The following BAHCC1 variants were observed in gnomAD, a reference collection of about 807,000 sequenced individuals.
The protein encoded by BAHCC1 is BAH domain and coiled-coil containing 1, also known as BAH and coiled-coil domain-containing protein 1.
Under a neutral mutation model 88.2 loss-of-function variants are expected in BAHCC1, and 43 were observed. The ratio of observed to expected loss-of-function variants is 0.49; its 90% CI spans 0.38 to 0.63. The LOEUF (loss-of-function observed/expected upper bound fraction) is 0.63, where lower values mean the gene tolerates loss of function less well. BAHCC1 is among the 20% of genes least tolerant of loss of function. The probability of loss-of-function intolerance (pLI) is 0.00; values close to 1 mark genes in which losing one functional copy is unlikely to be tolerated. For missense variants in BAHCC1, 3,023 were observed against 1,654.8 expected (o/e 1.83, Z -14.34); for synonymous variants, 1,510 against 745.5 (o/e 2.03, Z -16.71).
chr17:81,463,180 G>T (rs1052186826), intron 27 of BAHCC1, among the ~76,000 whole-genome samples: 4 of 152,156 alleles, frequency 2.6e-5, no homozygotes, highest in African/African-American at 9.7e-5. Flanking sequence ...CACAGTGGGG[G>T]GCTGTGGCCC....
In BAHCC1 at chr17:81,442,649, G is replaced by A. The variant is rs376763313; in HGVS notation, c.1300G>A (p.Ala434Thr). ...GGAGGGAACCATGGCCCCCGACCAC[G>A]CTGCACCCTATGGAGTCTCCTATGC... is the stretch of plus-strand genomic sequence containing the variant. ...HLEGTMAPDH[A>T]APYGVSYAHL... The change falls in exon 5 of 28, where the codon GCT (alanine) becomes ACT (threonine). Residue 434 changes from alanine (A) to threonine (T), a missense_variant. Physicochemically the swap from Ala to Thr is moderately conservative, Grantham distance 58. Coordinates refer to ENST00000675386, the MANE Select transcript of BAHCC1 (RefSeq NM_001377448.1). 1.4e-5 allele frequency: 11 copies of A among 775,952 alleles called. No individual in the cohort carries two copies. The highest frequency in any genetic ancestry group is 8.5e-5 in the African/African-American group (5 of 59,050). 48.1% of individuals were successfully genotyped at this position (775,952 alleles called of 1,614,324 possible). A position where few individuals can be genotyped will look rare whatever the true frequency, so the allele number is the denominator to read the frequency against.
At position 81,405,586 on chromosome 17, in the gene BAHCC1, A is replaced by G. The variant is rs1433246225; in HGVS notation, c.178+5669A>G. Among the ~76,000 whole-genome samples, 5 of 152,202 alleles carry G rather than the reference A, an allele frequency of 3.3e-5. No individual in the cohort carries two copies. The Middle Eastern group carries it at 0.014, about 414-fold the overall frequency. Reference sequence around the variant, plus strand: ...TACCCTGATCTAGCTCCAGGGTCTGAGCCCGAGACTGTCCATGTCCCTGGG... The same window carrying G: ...TACCCTGATCTAGCTCCAGGGTCTGGGCCCGAGACTGTCCATGTCCCTGGG... On this transcript the variant is annotated intron_variant, in intron 2 of 27. Coordinates refer to ENST00000675386, the MANE Select transcript of BAHCC1 (RefSeq NM_001377448.1).
chr17:81,437,851 G>A (rs1422439462), intron 3 of BAHCC1, among the ~76,000 whole-genome samples: 3 of 152,330 alleles, frequency 2.0e-5, no homozygotes, highest in South Asian at 2.1e-4. Flanking sequence ...GGAACTCGGC[G>A]TCGGATGGAC....
intron 13 of BAHCC1, among the ~76,000 whole-genome samples, 153 bp downstream of exon 13, chr17:81,452,260 C>T (rs1424285934): frequency 1.3e-5 from 2 of 152,144 alleles, no homozygotes; most frequent in African/African-American, 2.4e-5. Context: ...GGAGGCCCCC[C>T]AGAGGCAGTG....
chr17:81,441,445 G>A (rs555851807), intron 4 of BAHCC1, among the ~76,000 whole-genome samples: 11 of 152,254 alleles, frequency 7.2e-5, no homozygotes, highest in East Asian at 3.9e-4. Flanking sequence ...GGTGGATCAC[G>A]AGGTCAGGAG....
At position 81,461,931 on chromosome 17, in the gene BAHCC1, C is replaced by A; in HGVS notation, c.7268C>A (p.Ser2423Tyr). The A allele has an allele frequency of 1.3e-6, 1 of 759,532 alleles. No homozygotes were observed. The highest frequency in any genetic ancestry group is 2.4e-6 in the Non-Finnish European group (1 of 408,680). The allele number at this position is 759,532 out of a possible 1,614,324, so 47.0% of individuals were successfully genotyped here. ...KLKRKEALSF[S>Y]KAKELSRRQR... ...AAGCGCAAAGAGGCCCTGAGCTTCT[C>A]CAAAGCCAAAGAGCTCTCCCGGAGG... The change falls in exon 26 of 28, where the codon TCC (serine) becomes TAC (tyrosine). Residue 2423 changes from serine to tyrosine, a missense_variant. Ser to Tyr is a moderately radical substitution (Grantham distance 144). Transcript: ENST00000675386.
At chr17:81,431,346 T>G (rs1294184055) in intron 3 of BAHCC1, among the ~76,000 whole-genome samples, 1 of 134,704 alleles carries the variant, frequency 7.4e-6, no homozygotes, top group Non-Finnish European at 1.6e-5. Flanking sequence ...GCTGAGACTT[T>G]ATGCATAGCC....
At chr17:81,450,137 A>G (rs1377029573) in intron 11 of BAHCC1, among the ~76,000 whole-genome samples, 1 of 152,110 alleles carries the variant, frequency 6.6e-6, no homozygotes, top group African/African-American at 2.4e-5. Context: ...CTGTGAGGTT[A>G]TCGTTGCTCC....
intron 22 of BAHCC1, 31 bp from the exon 23 acceptor site, chr17:81,459,465 T>TG (rs782550951): frequency 1.0e-5 from 8 of 777,498 alleles, no homozygotes. Context: ...AGGCCCCACC[T>TG]GCTCATGGGT....
In BAHCC1 at chr17:81,460,520, C is replaced by A; in HGVS notation, c.6026-10C>A. 1 of 740,536 alleles carries A rather than the reference C, an allele frequency of 1.4e-6. No homozygotes were observed. The allele number at this position is 740,536 out of a possible 1,614,324, so 45.9% of individuals were successfully genotyped here. ...ATGGCACTGAAGCCCTTGGCCCATG[C>A]TATCCACAGGCACAGAGCCCTCTCC... On this transcript the variant is annotated splice_polypyrimidine_tract_variant and intron_variant, in intron 24 of 27. Transcript: ENST00000675386.
At chr17:81,397,178 C>T (rs1222659670) in intron 1 of BAHCC1, 1 of 152,346 alleles carries the variant, frequency 6.6e-6, no homozygotes, top group South Asian at 2.1e-4. Flanking sequence ...GAAAAGCTCT[C>T]TCCAATCCGG....
intron 2 of BAHCC1, among the ~76,000 whole-genome samples, chr17:81,403,628 GA>G (rs1555646424): frequency 6.6e-6 from 1 of 151,882 alleles, no homozygotes; most frequent in African/African-American, 2.4e-5. Context: ...TTTTTGTAAA[GA>G]AAAAAATACA....
chr17:81,404,089 C>T (rs2063851210), intron 2 of BAHCC1, among the ~76,000 whole-genome samples: 1 of 152,232 alleles, frequency 6.6e-6, no homozygotes, highest in South Asian at 2.1e-4. Context: ...TAGAAATCTT[C>T]TCTCATCTCC....
Position 81,435,644 on chromosome 17 carries a change from T to C in BAHCC1, c.359-2726T>C, listed in dbSNP as rs1238482238. 6.6e-6 allele frequency among the ~76,000 whole-genome samples: 1 copy of C among 152,156 alleles called. No individual in the cohort carries two copies. Among genetic ancestry groups the C allele is most frequent in the African/African-American group, 2.4e-5 (1 of 41,418 alleles). ...GGGTTCATATGGCCCCAGACCCTGC[T>C]GGCTGAGCCCTCTTGGTCTCTGGCC... is the stretch of plus-strand genomic sequence containing the variant. On this transcript the variant is annotated intron_variant, in intron 3 of 27. Coordinates refer to ENST00000675386, the MANE Select transcript of BAHCC1 (RefSeq NM_001377448.1). The surrounding 1 kb of genome is among the most constrained non-coding windows in gnomAD (Gnocchi z 4.4).
chr17:81,399,604 G>A lies in BAHCC1; in HGVS notation c.-136G>A, dbSNP rs782098987. 7 of 538,494 alleles carry A rather than the reference G, an allele frequency of 1.3e-5. 1 individual carries two copies. In the Admixed American group the frequency reaches 1.7e-4, roughly 13 times the overall value. The allele number at this position is 538,494 out of a possible 1,614,324, so 33.4% of individuals were successfully genotyped here. A position where few individuals can be genotyped will look rare whatever the true frequency, so the allele number is the denominator to read the frequency against. ...GCCGAGAAGCCCAGTCCTCCCGCGT[G>A]CTGACCGGCCCCGCCGCCACCACCG... On this transcript the variant is annotated 5_prime_UTR_variant, in exon 2 of 28. Coordinates refer to ENST00000675386, the MANE Select transcript of BAHCC1 (RefSeq NM_001377448.1). The surrounding 1 kb of genome is among the most constrained non-coding windows in gnomAD (Gnocchi z 4.5).
chr17:81,458,465 G>A lies in BAHCC1; in HGVS notation c.5342G>A (p.Arg1781Gln), dbSNP rs569741979. 26 of 705,944 alleles carry A rather than the reference G, an allele frequency of 3.7e-5. No homozygotes were observed. The highest frequency in any genetic ancestry group is 2.6e-4 in the East Asian group (10 of 39,036). 43.7% of individuals were successfully genotyped at this position (705,944 alleles called of 1,614,324 possible). ...GGCACAGTGCTGCAGCCAGTGCTGC[G>A]GGTGAGGCTGGGCTCTGGGGTGCTG... is the stretch of plus-strand genomic sequence containing the variant. ...RKGTVLQPVL[R>Q]RKNGALSITL... is the part of the protein sequence containing the mutation. Residue 1781 changes from arginine to glutamine, a missense_variant and splice_region_variant, in exon 18 of 28, where the codon CGG (arginine) becomes CAG (glutamine). Transcript: ENST00000675386.
In BAHCC1 at chr17:81,461,170, CG is replaced by C; in HGVS notation, c.6513del (p.Thr2172ProfsTer44). On this transcript the variant is annotated frameshift_variant, in exon 26 of 28. Coordinates refer to ENST00000675386, the MANE Select transcript of BAHCC1 (RefSeq NM_001377448.1). ...TGGCCAGCTCCTACGCGCCCTTCGT[CG>C]GGGGGACCGGGCCGGGCCTCCCCAG... ...SLASSYAPFVGGTGPGLPRGA... is the reference protein window; with the variant it reads ...SLASSYAPFVXGTGPGLPRGA... 2 of 751,448 alleles carry C rather than the reference CG, an allele frequency of 2.7e-6. No individual in the cohort carries two copies. The allele number at this position is 751,448 out of a possible 1,614,324, so 46.5% of individuals were successfully genotyped here. A position where few individuals can be genotyped will look rare whatever the true frequency, so the allele number is the denominator to read the frequency against.
rs75207854 is a variant in BAHCC1 at position 81,450,069 on chromosome 17, G to A, written c.3977-1599G>A. On this transcript the variant is annotated intron_variant, in intron 11 of 27. Coordinates refer to ENST00000675386, the MANE Select transcript of BAHCC1 (RefSeq NM_001377448.1). ...ATGAGCCATATCTCTGGGGAGCCCC[G>A]GTCCGTTAAGTGGAGCGTGGGGTTC... 6.2e-3 allele frequency among the ~76,000 whole-genome samples: 946 copies of A among 152,276 alleles called. 10 individuals are homozygous for A. The highest frequency in any genetic ancestry group is 0.022 in the African/African-American group (893 of 41,532).
intron 11 of BAHCC1, among the ~76,000 whole-genome samples, chr17:81,450,181 C>CA (rs1484903999): frequency 6.6e-6 from 1 of 152,190 alleles, no homozygotes; most frequent in African/African-American, 2.4e-5. Flanking sequence ...CACCTCTACT[C>CA]ACCCCACAGG....
Sources: allele counts gnomAD v4.1 joint callset (sites outside exome capture counted in the v4.1 genomes callset), GRCh38; gene constraint gnomAD v4.1.1; non-coding constraint Gnocchi (gnomAD v3.1); transcripts MANE v1.5; gene names NCBI Gene and HGNC (gene_info 2026-07-23, HGNC 2026-07-21).